RANBP2: variants seen among roughly 807,000 people sequenced by gnomAD.
RANBP2 encodes E3 SUMO-protein ligase RanBP2.
RANBP2 carries 57 observed loss-of-function variants against 303.6 expected under a neutral mutation model. That is an observed-to-expected ratio of 0.19 (90% confidence interval 0.15 to 0.23). The LOEUF is 0.23. RANBP2 is among the 10% of genes least tolerant of loss of function. The pLI is 1.00. For synonymous variants in RANBP2, 1,167 were observed against 1,301.5 expected (o/e 0.90, Z 2.23); for missense variants, 3,138 against 3,780.8 (o/e 0.83, Z 4.46).
chr2:109,487,443 TA>T, the RANBP2 span, among the ~76,000 whole-genome samples: 1 of 152,320 alleles, frequency 6.6e-6, no homozygotes, highest in Non-Finnish European at 1.5e-5. Flanking sequence ...AACTGATGCT[TA>T]AGGCATTAGC....
chr2:109,101,560 A>G, the RANBP2 span, among the ~76,000 whole-genome samples: 3 of 152,042 alleles, frequency 2.0e-5, no homozygotes, highest in Admixed American at 6.6e-5. Flanking sequence ...AAACCCAAAA[A>G]CAACAACAAC....
chr2:108,897,313 A>G, the RANBP2 span: 1 of 1,350,106 alleles, frequency 7.4e-7, no homozygotes, highest in African/African-American at 1.5e-5. Flanking sequence ...AAATGAAATA[A>G]AAATTATTTG....
the RANBP2 span, among the ~76,000 whole-genome samples, chr2:109,182,982 T>C: frequency 6.6e-6 from 1 of 152,160 alleles, no homozygotes; most frequent in Non-Finnish European, 1.5e-5. Flanking sequence ...ATTTTGGGTC[T>C]CCTAACAGGT....
chr2:108,957,917 GT>G, the RANBP2 span, among the ~76,000 whole-genome samples: 4 of 152,118 alleles, frequency 2.6e-5, no homozygotes, highest in African/African-American at 9.7e-5. Flanking sequence ...AAAGCAACCT[GT>G]CTCTTTAATA....
At chr2:109,673,193 T>G in the RANBP2 span, among the ~76,000 whole-genome samples, 1 of 152,228 alleles carries the variant, frequency 6.6e-6, no homozygotes, top group African/African-American at 2.4e-5. Context: ...CTGTGGAGCC[T>G]AACTCTATGT....
chr2:109,291,677 T>C, the RANBP2 span, among the ~76,000 whole-genome samples: 2 of 152,316 alleles, frequency 1.3e-5, no homozygotes, highest in East Asian at 1.9e-4. Flanking sequence ...TGTGAGATCC[T>C]CTGGCCTTAA....
chr2:108,818,232 G>C, the RANBP2 span, among the ~76,000 whole-genome samples: 15 of 152,082 alleles, frequency 9.9e-5, no homozygotes, highest in African/African-American at 2.7e-4. Context: ...CCTGAACCTG[G>C]GGGGGTCGAG....
At chr2:108,910,655 G>T in the RANBP2 span, 1 of 1,416,860 alleles carries the variant, frequency 7.1e-7, no homozygotes, top group Non-Finnish European at 9.9e-7. Context: ...ACCACCCCAC[G>T]GTAAGCACAG....
chr2:109,487,589 C>T, the RANBP2 span, among the ~76,000 whole-genome samples: 3 of 152,190 alleles, frequency 2.0e-5, no homozygotes, highest in Non-Finnish European at 2.9e-5. Context: ...ATCACATTTA[C>T]GCACCCCACC....
chr2:109,193,611 T>C, the RANBP2 span, among the ~76,000 whole-genome samples: 1 of 152,164 alleles, frequency 6.6e-6, no homozygotes, highest in South Asian at 2.1e-4. Context: ...TAGTATTCTG[T>C]TGTATGGATG....
the RANBP2 span, among the ~76,000 whole-genome samples, chr2:109,604,139 G>A: frequency 0.28 from 38,877 of 138,846 alleles, 5,734 homozygotes; most frequent in Admixed American, 0.4. Context: ...TCCAGCCTGG[G>A]CGACAGAGCG....
the RANBP2 span, among the ~76,000 whole-genome samples, chr2:109,144,573 C>T: frequency 4.1e-4 from 63 of 152,316 alleles, no homozygotes; most frequent in African/African-American, 1.3e-3. Context: ...TTGCAAGCAG[C>T]GTTGGGAAAA....
At chr2:108,890,815 CT>C in the RANBP2 span, among the ~76,000 whole-genome samples, 1 of 152,102 alleles carries the variant, frequency 6.6e-6, no homozygotes, top group Non-Finnish European at 1.5e-5. Flanking sequence ...TATTTGATCA[CT>C]TTGTGTTTTC....
At chr2:109,625,451 G>A in the RANBP2 span, among the ~76,000 whole-genome samples, 2 of 148,994 alleles carry the variant, frequency 1.3e-5, no homozygotes, top group Admixed American at 6.8e-5. Flanking sequence ...TCAGGAGATC[G>A]AGACCACCCT....
the RANBP2 span, among the ~76,000 whole-genome samples, chr2:109,225,796 C>T: frequency 3.3e-5 from 5 of 152,224 alleles, no homozygotes; most frequent in African/African-American, 4.8e-5. Flanking sequence ...GATAGGGTCT[C>T]GCTCTGTTGC....
chr2:109,615,005 C>T, the RANBP2 span: 1 of 1,544,484 alleles, frequency 6.5e-7, no homozygotes, highest in Middle Eastern at 2.0e-4. Flanking sequence ...CCCCGGGGCC[C>T]AGCGAGGACC....
the RANBP2 span, among the ~76,000 whole-genome samples, chr2:109,158,026 G>A: frequency 4.6e-5 from 7 of 152,158 alleles, no homozygotes; most frequent in Admixed American, 6.5e-5. Context: ...TCTGGGCTGC[G>A]TGCTTCAATT....
the RANBP2 span, among the ~76,000 whole-genome samples, chr2:109,269,354 C>T: frequency 6.6e-6 from 1 of 152,196 alleles, no homozygotes; most frequent in East Asian, 1.9e-4. Context: ...CAGAGGGAGC[C>T]TCCCCACACA....
At chr2:109,683,025 A>G in the RANBP2 span, among the ~76,000 whole-genome samples, 1 of 152,100 alleles carries the variant, frequency 6.6e-6, no homozygotes, top group South Asian at 2.1e-4. Context: ...CTTTATTTGG[A>G]GACGGAGTCT....
Sources: allele counts gnomAD v4.1 joint callset (sites outside exome capture counted in the v4.1 genomes callset), GRCh38; gene constraint gnomAD v4.1.1; transcripts MANE v1.5; gene names NCBI Gene and HGNC (gene_info 2026-07-23, HGNC 2026-07-21).